JMY: variants seen among roughly 807,000 people sequenced by gnomAD.
The protein encoded by JMY is junction mediating and regulatory protein, p53 cofactor.
A neutral mutation model predicts 103.3 loss-of-function variants in JMY; 46 were observed. The observed-to-expected ratio is 0.45, with a 90% CI of 0.35 to 0.57. The LOEUF (loss-of-function observed/expected upper bound fraction) is 0.57. Among genes scored for constraint, JMY ranks in the 20% least tolerant of loss-of-function variants. JMY has a pLI of 0.00. For synonymous variants in JMY, 526 were observed against 489.3 expected (o/e 1.07, Z -0.99); for missense variants, 1,238 against 1,255.2 (o/e 0.99, Z 0.21).
At chr5:79,287,358 G>T (rs1445334622) in intron 2 of JMY, among the ~76,000 whole-genome samples, 2 of 152,188 alleles carry the variant, frequency 1.3e-5, no homozygotes, top group Admixed American at 1.3e-4. Flanking sequence ...ACTTGGAGAT[G>T]AATAGACAAG....
At chr5:79,290,909 C>T (rs766573611) in intron 3 of JMY, among the ~76,000 whole-genome samples, 15 of 152,064 alleles carry the variant, frequency 9.9e-5, no homozygotes, top group South Asian at 4.2e-4. Context: ...TGCTTGAACC[C>T]GGGAGGCGGA....
chr5:79,279,644 G>GT (rs1238309425), intron 2 of JMY, among the ~76,000 whole-genome samples: 2 of 152,094 alleles, frequency 1.3e-5, no homozygotes, highest in Admixed American at 6.6e-5. Context: ...CTTTACTAAC[G>GT]TATCAGGGTG....
intron 2 of JMY, 64 bp downstream of exon 2, chr5:79,278,147 T>A (rs16876598): frequency 8.2e-7 from 1 of 1,220,628 alleles, no homozygotes; most frequent in Non-Finnish European, 1.1e-6. Flanking sequence ...TGAAAGGCCA[T>A]GCGTTATCCA....
intron 7 of JMY, among the ~76,000 whole-genome samples, chr5:79,309,807 A>T (rs532948493): frequency 6.6e-6 from 1 of 152,314 alleles, no homozygotes; most frequent in East Asian, 1.9e-4. Flanking sequence ...ACTGCTTTAT[A>T]AGATTAGTCA....
chr5:79,245,414 C>G (rs889623327), intron 1 of JMY, among the ~76,000 whole-genome samples: 1 of 151,480 alleles, frequency 6.6e-6, no homozygotes. Context: ...GTCTTGAGTG[C>G]TTCATGGAAA....
intron 1 of JMY, among the ~76,000 whole-genome samples, chr5:79,270,772 G>GT (rs922866503): frequency 3.0e-4 from 44 of 147,518 alleles, no homozygotes; most frequent in African/African-American, 4.2e-4. Flanking sequence ...TTAGCTCAAG[G>GT]TTTTTTTTTA....
intron 1 of JMY, 39 bp from the exon 2 acceptor site, chr5:79,277,871 A>G (rs71634967): frequency 0.025 from 38,643 of 1,576,124 alleles, 1,518 homozygotes; most frequent in African/African-American, 0.15. Context: ...AGGTTATTAG[A>G]ATTGATTTTC....
chr5:79,271,179 CCA>C (rs1299520599), intron 1 of JMY, among the ~76,000 whole-genome samples: 3 of 151,584 alleles, frequency 2.0e-5, no homozygotes, highest in African/African-American at 7.3e-5. Context: ...AAGTCTCCCA[CCA>C]CACCTGGCTA....
chr5:79,265,035 C>T (rs747379737), intron 1 of JMY, among the ~76,000 whole-genome samples: 6 of 152,160 alleles, frequency 3.9e-5, no homozygotes, highest in Non-Finnish European at 7.3e-5. Context: ...CATTCATTCT[C>T]CTGCCTCAGC....
chr5:79,326,019 C>G lies in JMY; in HGVS notation c.*4417C>G, dbSNP rs564494161. ...ATTGTAGGATTTAATTGATTGAATTCCAAATTTATACTGTCTCTTCCCTTC... is the reference window on the plus strand; with the variant it reads ...ATTGTAGGATTTAATTGATTGAATTGCAAATTTATACTGTCTCTTCCCTTC... On this transcript the variant is annotated 3_prime_UTR_variant, in exon 11 of 11. Transcript: ENST00000396137. The G allele has an allele frequency of 6.6e-6, 1 of 152,224 alleles. No individual in the cohort carries two copies. The highest frequency in any genetic ancestry group is 1.9e-4 in the East Asian group (1 of 5,184). 9.4% of individuals were successfully genotyped at this position (152,224 alleles called of 1,614,324 possible). A position where few individuals can be genotyped will look rare whatever the true frequency, so the allele number is the denominator to read the frequency against.
intron 1 of JMY, among the ~76,000 whole-genome samples, chr5:79,276,526 C>T (rs1213142639): frequency 6.6e-6 from 1 of 151,876 alleles, no homozygotes; most frequent in African/African-American, 2.4e-5. Context: ...TCCTCCTGGG[C>T]TCAATTCTCA....
intron 2 of JMY, among the ~76,000 whole-genome samples, chr5:79,286,847 T>C (rs1746284951): frequency 6.6e-6 from 1 of 152,212 alleles, no homozygotes; most frequent in Non-Finnish European, 1.5e-5. Context: ...AAAGAATTTG[T>C]TAATTAGGTA....
intron 2 of JMY, chr5:79,284,137 C>A: frequency 6.5e-7 from 1 of 1,533,052 alleles, no homozygotes; most frequent in Non-Finnish European, 8.8e-7. Flanking sequence ...GAACTTTAAA[C>A]AGATTCTTGG....
At chr5:79,289,361 C>A (rs1469282603) in intron 2 of JMY, among the ~76,000 whole-genome samples, 2 of 149,670 alleles carry the variant, frequency 1.3e-5, no homozygotes, top group African/African-American at 4.9e-5. Flanking sequence ...GGTGGGTTAA[C>A]ATTTTGCCTG....
At chr5:79,278,558 C>A (rs1272261001) in intron 2 of JMY, among the ~76,000 whole-genome samples, 1 of 118,766 alleles carries the variant, frequency 8.4e-6, no homozygotes, top group African/African-American at 3.2e-5. Context: ...TGAGACCAGC[C>A]TGGGCAACAC....
intron 4 of JMY, among the ~76,000 whole-genome samples, chr5:79,295,685 G>T (rs1339004847): frequency 6.6e-6 from 1 of 152,212 alleles, no homozygotes; most frequent in Non-Finnish European, 1.5e-5. Flanking sequence ...TATGGGCCTT[G>T]CCAGAAACTT....
intron 2 of JMY, among the ~76,000 whole-genome samples, chr5:79,282,396 A>C (rs1193039229): frequency 3.3e-5 from 5 of 152,202 alleles, no homozygotes; most frequent in Non-Finnish European, 7.3e-5. Context: ...TGTCAAAATC[A>C]ATCACAATTT....
Position 79,316,104 on chromosome 5 carries a change from A to G in JMY, c.2764A>G (p.Ser922Gly). Residue 922 changes from serine (S) to glycine (G), a missense_variant, in exon 10 of 11, where the codon AGT becomes GGT. Coordinates refer to ENST00000396137, the MANE Select transcript of JMY (RefSeq NM_152405.5). ...GCCTCCTTTTCCTGATGAAGATGAT[A>G]GTAATAATATCTTGGCACAAATAAG... ...TLPPFPDEDD[S>G]NNILAQIRKG... is the part of the protein sequence containing the mutation. 1.9e-6 allele frequency: 3 copies of G among 1,614,102 alleles called. No individual in the cohort carries two copies. Among genetic ancestry groups the G allele is most frequent in the South Asian group, 2.2e-5 (2 of 91,078 alleles).
chr5:79,275,732 T>TTTTAA (rs1347401886), intron 1 of JMY, among the ~76,000 whole-genome samples: 4 of 152,266 alleles, frequency 2.6e-5, no homozygotes, highest in Non-Finnish European at 1.5e-5. Flanking sequence ...GTCAAAATTC[T>TTTTAA]CCATATTAGT....
Sources: gnomAD v4.1 joint callset for allele counts (sites outside exome capture counted in the v4.1 genomes callset) on GRCh38, gnomAD v4.1.1 for gene constraint, MANE v1.5 for transcripts, NCBI Gene and HGNC (gene_info 2026-07-23, HGNC 2026-07-21) for gene names.